Variants in CTNNA2 observed in about 807,000 individuals in gnomAD.
CTNNA2 encodes catenin alpha-2.
A neutral mutation model predicts 101.0 loss-of-function variants in CTNNA2; 42 were observed. That is an observed-to-expected ratio of 0.42 (90% confidence interval 0.32 to 0.54). The LOEUF is 0.54. Ranked by LOEUF, CTNNA2 falls within the 20% of genes least tolerant of loss-of-function variation. The pLI, the probability that CTNNA2 is intolerant of heterozygous loss-of-function variation, is 0.14. For synonymous variants in CTNNA2, 450 were observed against 456.4 expected, an observed-to-expected ratio of 0.99 and a Z score of 0.18; for missense variants, 871 against 1,223.1, an observed-to-expected ratio of 0.71 and a Z score of 4.29.
intron 2 of CTNNA2, among the ~76,000 whole-genome samples, chr2:79,699,527 C>A (rs1285633336): frequency 6.6e-6 from 1 of 151,562 alleles, no homozygotes; most frequent in Non-Finnish European, 1.5e-5. Context: ...ATGCAAAGAT[C>A]CATATTTATA....
chr2:80,195,681 A>G (rs1449320882), intron 7 of CTNNA2, among the ~76,000 whole-genome samples: 1 of 152,024 alleles, frequency 6.6e-6, no homozygotes, highest in African/African-American at 2.4e-5. Flanking sequence ...GCAATTCAGA[A>G]AGATTCTTGC....
chr2:79,866,283 T>A lies in CTNNA2; in HGVS notation c.466-3533T>A, dbSNP rs567106835. ...TTAGTGTCTTCTCTAGAAGTGTCAG[T>A]CTTTTCAGCTTTATCTATGCACTGG... On this transcript the variant is annotated intron_variant, in intron 4 of 18. Transcript: ENST00000402739. Among the ~76,000 whole-genome samples, 15 of 152,348 alleles carry A rather than the reference T, an allele frequency of 9.8e-5. No homozygotes were observed. The East Asian group carries it at 2.9e-3, about 29-fold the overall frequency.
At chr2:80,099,326 A>G (rs1454400354) in intron 7 of CTNNA2, among the ~76,000 whole-genome samples, 1 of 152,170 alleles carries the variant, frequency 6.6e-6, no homozygotes, top group South Asian at 2.1e-4. Flanking sequence ...GGTTGCATTA[A>G]TAAGTACAAA....
chr2:79,926,117 G>A (rs985893830), intron 7 of CTNNA2, among the ~76,000 whole-genome samples: 7 of 151,952 alleles, frequency 4.6e-5, no homozygotes, highest in South Asian at 4.2e-4. Context: ...AAATCTCTTC[G>A]AATTAATGAG....
chr2:79,882,084 T>C (rs1422399994), intron 6 of CTNNA2, among the ~76,000 whole-genome samples: 3 of 152,042 alleles, frequency 2.0e-5, no homozygotes, highest in African/African-American at 7.2e-5. Flanking sequence ...TGGCTGGATA[T>C]TAAATTCTGG....
intron 7 of CTNNA2, among the ~76,000 whole-genome samples, chr2:79,966,667 G>A (rs1195298388): frequency 6.6e-6 from 1 of 152,202 alleles, no homozygotes; most frequent in Non-Finnish European, 1.5e-5. Context: ...GAGATATTCA[G>A]AATGATTGTT....
At chr2:80,439,460 G>A (rs543271597) in intron 9 of CTNNA2, among the ~76,000 whole-genome samples, 14 of 152,174 alleles carry the variant, frequency 9.2e-5, no homozygotes, top group African/African-American at 2.6e-4. Flanking sequence ...GTGCAGTGGC[G>A]TGATCTCAGC....
At chr2:80,625,451 G>A (rs1015863116) in intron 18 of CTNNA2, among the ~76,000 whole-genome samples, 5 of 151,920 alleles carry the variant, frequency 3.3e-5, no homozygotes, top group Non-Finnish European at 7.4e-5. Flanking sequence ...ACTTCCTGGA[G>A]GTCACAAAGT....
intron 2 of CTNNA2, among the ~76,000 whole-genome samples, chr2:79,673,119 A>C (rs936237393): frequency 6.6e-6 from 1 of 152,152 alleles, no homozygotes; most frequent in African/African-American, 2.4e-5. Context: ...GAATGTTATT[A>C]TATTGTGTTA....
At position 79,822,185 on chromosome 2, in the gene CTNNA2, G is replaced by GT. The variant is rs57916010; in HGVS notation, c.299-35817dup. ...TGGGTGTTGATATTTGATTCCAACG[G>GT]TTTTTTTTTTTAATTTTTGGTTAGT... On this transcript the variant is annotated intron_variant, in intron 3 of 18. Coordinates refer to ENST00000402739, the MANE Select transcript of CTNNA2 (RefSeq NM_001282597.3). 7.2e-4 allele frequency among the ~76,000 whole-genome samples: 107 copies of GT among 147,752 alleles called. No homozygotes were observed. The Middle Eastern group carries it at 0.011, about 15-fold the overall frequency.
At chr2:79,367,742 A>G (rs976633178) in intron 3 of CTNNA2, among the ~76,000 whole-genome samples, 1 of 152,196 alleles carries the variant, frequency 6.6e-6, no homozygotes, top group African/African-American at 2.4e-5. Context: ...TCTGGCAATT[A>G]GAAATTATGG....
At position 80,302,423 on chromosome 2, in the gene CTNNA2, G is replaced by T; in HGVS notation, c.1057-90788G>T. The T allele has an allele frequency of 6.2e-7, 1 of 1,614,224 alleles. No homozygotes were observed. The highest frequency in any genetic ancestry group is 8.5e-7 in the Non-Finnish European group (1 of 1,180,040). On this transcript the variant is annotated intron_variant, in intron 7 of 18. Transcript: ENST00000402739. This position sits in a 1 kb window ranked among gnomAD's most constrained non-coding sequence, Gnocchi z 6.4. The stretch of plus-strand genomic sequence containing the variant: ...TTTCTGCTTTTGCTTCCTGCGCTGC[G>T]TGACAAAGCACTGTCTGAGCTGCCT...
intron 9 of CTNNA2, among the ~76,000 whole-genome samples, chr2:80,507,115 TACCATGGCA>T (rs1688336790): frequency 6.6e-6 from 1 of 152,186 alleles, no homozygotes; most frequent in Non-Finnish European, 1.5e-5. Flanking sequence ...CTTGTTAGGG[TACCATGGCA>T]ATTTAACCAT....
At chr2:80,560,248 A>G (rs1163464027) in intron 12 of CTNNA2, among the ~76,000 whole-genome samples, 1 of 152,054 alleles carries the variant, frequency 6.6e-6, no homozygotes, top group South Asian at 2.1e-4. Context: ...CAACATTTCT[A>G]TATATTTTTG....
intron 2 of CTNNA2, among the ~76,000 whole-genome samples, chr2:79,281,291 A>T (rs1188088875): frequency 6.6e-6 from 1 of 152,102 alleles, no homozygotes; most frequent in African/African-American, 2.4e-5. Flanking sequence ...GCAAGACAAG[A>T]AGCTGGTCCC....
chr2:80,562,403 TA>T (rs1442641672), intron 12 of CTNNA2, among the ~76,000 whole-genome samples: 1 of 152,096 alleles, frequency 6.6e-6, no homozygotes, highest in Non-Finnish European at 1.5e-5. Context: ...AAATGCAAAT[TA>T]AAAACTACGC....
intron 9 of CTNNA2, among the ~76,000 whole-genome samples, chr2:80,434,485 C>CT (rs1169944635): frequency 0.11 from 9,613 of 90,170 alleles, 923 homozygotes; most frequent in African/African-American, 0.24. Context: ...TTCTGTGTCT[C>CT]TTTTTTTTTT....
intron 3 of CTNNA2, among the ~76,000 whole-genome samples, chr2:79,750,079 G>A (rs1054689858): frequency 6.6e-6 from 1 of 152,182 alleles, no homozygotes; most frequent in Non-Finnish European, 1.5e-5. Flanking sequence ...TGTGCAGCTG[G>A]TGAACCATTC....
intron 6 of CTNNA2, among the ~76,000 whole-genome samples, chr2:79,890,085 C>A (rs1340989144): frequency 6.6e-6 from 1 of 152,154 alleles, no homozygotes; most frequent in Non-Finnish European, 1.5e-5. Context: ...ATTGCTTAAC[C>A]AGCTTCTGAT....
Sources: allele counts gnomAD v4.1 joint callset (sites outside exome capture counted in the v4.1 genomes callset), GRCh38; gene constraint gnomAD v4.1.1; non-coding constraint Gnocchi (gnomAD v3.1); transcripts MANE v1.5; gene names NCBI Gene and HGNC (gene_info 2026-07-23, HGNC 2026-07-21).